The following ANKRD17 variants were observed in gnomAD, a reference collection of about 807,000 sequenced individuals.
ANKRD17 encodes the protein ankyrin repeat domain 17.
ANKRD17 carries 19 observed loss-of-function variants against 229.7 expected under a neutral mutation model. The ratio of observed to expected loss-of-function variants is 0.08; its 90% confidence interval spans 0.06 to 0.12. The LOEUF (loss-of-function observed/expected upper bound fraction) is 0.12. ANKRD17 is among the 10% of genes least tolerant of loss of function. ANKRD17 has a pLI of 1.00. For missense variants in ANKRD17, 2,176 were observed against 3,176.8 expected, an observed-to-expected ratio of 0.68 and a Z score of 7.57; for synonymous variants, 1,112 against 1,146.1, an observed-to-expected ratio of 0.97 and a Z score of 0.60.
chr4:73,077,166 C>A, intron 32 of ANKRD17, 62 bp from the exon 33 acceptor site: 2 of 1,473,200 alleles, frequency 1.4e-6, no homozygotes, highest in South Asian at 1.5e-5. Flanking sequence ...CCAATATAAT[C>A]AATAGCCTTA....
rs561078644 is a variant in ANKRD17 at position 73,177,301 on chromosome 4, A to G, written c.547+79T>C. On this transcript the variant is annotated intron_variant, in intron 2 of 33. Transcript: ENST00000358602. Reference sequence around the variant, plus strand: ...TCATTCTAAATACCCAATATCATTCATTTTTAACAAGAGCTTTTATTAGAT... The same window carrying G: ...TCATTCTAAATACCCAATATCATTCGTTTTTAACAAGAGCTTTTATTAGAT... The G allele has an allele frequency of 3.8e-6, 5 of 1,307,564 alleles. No individual in the cohort carries two copies. In the South Asian group the frequency reaches 9.3e-5, roughly 24 times the overall value. 81.0% of individuals were successfully genotyped at this position (1,307,564 alleles called of 1,614,324 possible). A position where few individuals can be genotyped will look rare whatever the true frequency, so the allele number is the denominator to read the frequency against.
intron 1 of ANKRD17, among the ~76,000 whole-genome samples, chr4:73,250,402 A>G (rs1578524659): frequency 6.6e-6 from 1 of 151,746 alleles, no homozygotes; most frequent in Admixed American, 6.6e-5. Context: ...GGAGTTTGCG[A>G]CCAGCCGGGC....
At chr4:73,166,150 T>C (rs756300310) in intron 2 of ANKRD17, among the ~76,000 whole-genome samples, 1 of 152,184 alleles carries the variant, frequency 6.6e-6, no homozygotes. Context: ...CAACAAAACA[T>C]GCATCCAGAC....
chr4:73,073,644 C>A lies in ANKRD17; in HGVS notation c.*2587G>T, dbSNP rs1339337619. ...AGTCATTTACAAAAAAATTAATTTT[C>A]ATGTATCAATAAAAATGACTTGACT... On this transcript the variant is annotated 3_prime_UTR_variant, in exon 34 of 34. Coordinates refer to ENST00000358602, the MANE Select transcript of ANKRD17 (RefSeq NM_032217.5). 2 of 151,952 alleles carry A rather than the reference C, an allele frequency of 1.3e-5. No homozygotes were observed. Among genetic ancestry groups the A allele is most frequent in the African/African-American group, 4.8e-5 (2 of 41,414 alleles). The allele number at this position is 151,952 out of a possible 1,614,324, so 9.4% of individuals were successfully genotyped here.
chr4:73,130,326 T>C (rs1017960344), intron 16 of ANKRD17, among the ~76,000 whole-genome samples: 2 of 152,184 alleles, frequency 1.3e-5, no homozygotes, highest in Admixed American at 1.3e-4. Flanking sequence ...GCTTTAATGG[T>C]AGCATATTAT....
rs1203366910 is a variant in ANKRD17 at position 73,191,339 on chromosome 4, A to ATGTGTGTGTGTGTGTGTGTGTG, written c.394-13807_394-13806insCACACACACACACACACACACA. Among the ~76,000 whole-genome samples the ATGTGTGTGTGTGTGTGTGTGTG allele has an allele frequency of 2.3e-3, 143 of 60,854 alleles. 2 individuals are homozygous for ATGTGTGTGTGTGTGTGTGTGTG. Among genetic ancestry groups the ATGTGTGTGTGTGTGTGTGTGTG allele is most frequent in the Middle Eastern group, 7.7e-3 (1 of 130 alleles). 39.9% of individuals were successfully genotyped at this position (60,854 alleles called of 152,430 possible). Reference sequence around the variant, plus strand: ...AAAATAGGCCCCTACCAAAAAATATATATGTGTGTGTGTGTGTGTGTGTGT... The same window carrying ATGTGTGTGTGTGTGTGTGTGTG: ...AAAATAGGCCCCTACCAAAAAATATATGTGTGTGTGTGTGTGTGTGTGTATGTGTGTGTGTGTGTGTGTGTGT... On this transcript the variant is annotated intron_variant, in intron 1 of 33. Coordinates refer to ENST00000358602, the MANE Select transcript of ANKRD17 (RefSeq NM_032217.5).
Position 73,139,700 on chromosome 4 carries a change from C to A in ANKRD17, c.2916G>T (p.Gly972=). 1 of 1,614,156 alleles carries A rather than the reference C, an allele frequency of 6.2e-7. No homozygotes were observed. Among genetic ancestry groups the A allele is most frequent in the Non-Finnish European group, 8.5e-7 (1 of 1,180,032 alleles). The change falls in exon 15 of 34, where the codon GGG becomes GGT. Residue 972 remains glycine (G), a synonymous_variant. Transcript: ENST00000358602. ...GCAGTTCTGTAAGATTTGCGATGGA[C>A]CCTGGAGGCAAGGGACCTGCCGCCA... is the stretch of plus-strand genomic sequence containing the variant. ...LPLAAGPLPP[G]SIANLTELQG...
In ANKRD17 at chr4:73,140,000, T is replaced by C. The variant is rs1180232166; in HGVS notation, c.2616A>G (p.Val872=). 1 of 1,614,252 alleles carries C rather than the reference T, an allele frequency of 6.2e-7. No homozygotes were observed. The highest frequency in any genetic ancestry group is 1.6e-4 in the Middle Eastern group (1 of 6,062). The part of the protein sequence containing the change: ...KQKILEELQK[V]ERELQLKTQQ... Reference sequence around the variant, plus strand: ...GAGTTTTCAGTTGTAACTCTCGTTCTACTTTCTGTAGTTCCTCCAAAATCT... The same window carrying C: ...GAGTTTTCAGTTGTAACTCTCGTTCCACTTTCTGTAGTTCCTCCAAAATCT... The change falls in exon 15 of 34, where the codon GTA becomes GTG. Residue 872 remains valine, a synonymous_variant. Coordinates refer to ENST00000358602, the MANE Select transcript of ANKRD17 (RefSeq NM_032217.5).
At chr4:73,117,718 A>G (rs1280488030) in intron 22 of ANKRD17, among the ~76,000 whole-genome samples, 1 of 152,230 alleles carries the variant, frequency 6.6e-6, no homozygotes, top group Non-Finnish European at 1.5e-5. Flanking sequence ...AATTTTATCT[A>G]CATATCTCCA....
chr4:73,077,536 G>T lies in ANKRD17; in HGVS notation c.7409-3C>A. On this transcript the variant is annotated splice_polypyrimidine_tract_variant and splice_region_variant and intron_variant, in intron 31 of 33. Coordinates refer to ENST00000358602, the MANE Select transcript of ANKRD17 (RefSeq NM_032217.5). ...AGGGTTACACCAGTCTACTTTGTCTGAGGGCAAACAAAGAGGCAAAACAAA... is the reference window on the plus strand; with the variant it reads ...AGGGTTACACCAGTCTACTTTGTCTTAGGGCAAACAAAGAGGCAAAACAAA... 6.4e-7 allele frequency: 1 copy of T among 1,555,216 alleles called. No homozygotes were observed. Among genetic ancestry groups the T allele is most frequent in the Non-Finnish European group, 8.7e-7 (1 of 1,153,780 alleles).
chr4:73,227,214 C>T (rs546381459), intron 1 of ANKRD17, among the ~76,000 whole-genome samples: 5 of 152,002 alleles, frequency 3.3e-5, no homozygotes, highest in South Asian at 2.1e-4. Context: ...AGTGCAGTGG[C>T]GCAGTTTCAG....
chr4:73,121,556 C>T, intron 19 of ANKRD17, 61 bp downstream of exon 19: 1 of 1,594,000 alleles, frequency 6.3e-7, no homozygotes, highest in South Asian at 1.1e-5. Context: ...AATAGGTGTT[C>T]TACAAATATC....
chr4:73,138,741 A>G (rs904795082), intron 15 of ANKRD17, among the ~76,000 whole-genome samples: 11 of 152,186 alleles, frequency 7.2e-5, no homozygotes, highest in Non-Finnish European at 1.0e-4. Context: ...CTTATGGTTC[A>G]CAACCCTATA....
Position 73,172,564 on chromosome 4 carries a change from G to C in ANKRD17, c.547+4816C>G, listed in dbSNP as rs574451914. On this transcript the variant is annotated intron_variant, in intron 2 of 33. Coordinates refer to ENST00000358602, the MANE Select transcript of ANKRD17 (RefSeq NM_032217.5). ...AACGCTTACCTTAAGTAGAAGCACT[G>C]AAAGATTAACAAATCAAAAATAATA... Among the ~76,000 whole-genome samples, 4 of 152,280 alleles carry C rather than the reference G, an allele frequency of 2.6e-5. No individual in the cohort carries two copies. The South Asian group carries it at 8.3e-4, about 32-fold the overall frequency.
At chr4:73,245,725 T>C (rs1744438323) in intron 1 of ANKRD17, among the ~76,000 whole-genome samples, 1 of 152,158 alleles carries the variant, frequency 6.6e-6, no homozygotes, top group African/African-American at 2.4e-5. Flanking sequence ...AAGACTATTA[T>C]TTCAGATCCT....
At chr4:73,123,402 T>C (rs1727011087) in intron 18 of ANKRD17, among the ~76,000 whole-genome samples, 1 of 152,040 alleles carries the variant, frequency 6.6e-6, no homozygotes. Flanking sequence ...AACCTATCTA[T>C]TGCCCCTACT....
intron 26 of ANKRD17, 108 bp from the exon 27 acceptor site, chr4:73,097,380 A>T (rs915959236): frequency 1.1e-5 from 10 of 921,896 alleles, no homozygotes; most frequent in Non-Finnish European, 1.6e-5. Flanking sequence ...TTAAATAACA[A>T]ATGACGACCT....
At chr4:73,144,510 T>A (rs1052498961) in intron 11 of ANKRD17, among the ~76,000 whole-genome samples, 2 of 152,160 alleles carry the variant, frequency 1.3e-5, no homozygotes, top group Non-Finnish European at 2.9e-5. Flanking sequence ...AAATTTCCCT[T>A]TCCTTTATAC....
In ANKRD17 at chr4:73,243,977, G is replaced by C. The variant is rs547583749; in HGVS notation, c.393+14299C>G. On this transcript the variant is annotated intron_variant, in intron 1 of 33. Coordinates refer to ENST00000358602, the MANE Select transcript of ANKRD17 (RefSeq NM_032217.5). Reference sequence around the variant, plus strand: ...ATATTTATTTTCTCACAGTTCTGGAGACTGTAAGTCCAAGATCTGGGTGTC... The same window carrying C: ...ATATTTATTTTCTCACAGTTCTGGACACTGTAAGTCCAAGATCTGGGTGTC... Among the ~76,000 whole-genome samples the C allele has an allele frequency of 7.2e-5, 11 of 152,238 alleles. No homozygotes were observed. The South Asian group carries it at 1.7e-3, about 23-fold the overall frequency.
Sources: gnomAD v4.1 joint callset for allele counts (sites outside exome capture counted in the v4.1 genomes callset) on GRCh38, gnomAD v4.1.1 for gene constraint, MANE v1.5 for transcripts, NCBI Gene and HGNC (gene_info 2026-07-23, HGNC 2026-07-21) for gene names.